TNPO3: variants seen among roughly 807,000 people sequenced by gnomAD.
TNPO3 encodes the protein transportin-3.
In TNPO3, 65 loss-of-function variants were observed where a neutral mutation model predicts 122.8. The observed-to-expected ratio is 0.53, with a 90% confidence interval of 0.43 to 0.65. TNPO3 has a LOEUF of 0.65. TNPO3 is among the 30% of genes least tolerant of loss of function. TNPO3 has a pLI of 0.00. For missense variants in TNPO3, 850 were observed against 1,136.7 expected, an observed-to-expected ratio of 0.75 and a Z score of 3.63; for synonymous variants, 372 against 411.2, an observed-to-expected ratio of 0.90 and a Z score of 1.15.
chr7:129,006,960 AG>A (rs780842288), intron 4 of TNPO3, among the ~76,000 whole-genome samples: 4 of 152,200 alleles, frequency 2.6e-5, no homozygotes, highest in Non-Finnish European at 4.4e-5. Flanking sequence ...GACAGAAGAA[AG>A]GAAGTCCAAG....
At chr7:128,960,279 T>C (rs1797313661) in intron 21 of TNPO3, among the ~76,000 whole-genome samples, 3 of 152,160 alleles carry the variant, frequency 2.0e-5, no homozygotes, top group South Asian at 2.1e-4. Flanking sequence ...TACTGGGTTA[T>C]GTATTTACTA....
At chr7:129,038,736 A>C (rs1322731736) in intron 1 of TNPO3, among the ~76,000 whole-genome samples, 4 of 152,214 alleles carry the variant, frequency 2.6e-5, no homozygotes, top group African/African-American at 9.6e-5. Context: ...CAGGATCAGA[A>C]AACCAAATAC....
chr7:128,956,458 G>A (rs1246269533), intron 22 of TNPO3, among the ~76,000 whole-genome samples: 1 of 152,166 alleles, frequency 6.6e-6, no homozygotes, highest in Non-Finnish European at 1.5e-5. Context: ...AAAGCACGTG[G>A]AGAAAAGTGC....
At chr7:129,006,817 A>G (rs114898166) in intron 4 of TNPO3, among the ~76,000 whole-genome samples, 1 of 152,208 alleles carries the variant, frequency 6.6e-6, no homozygotes, top group Non-Finnish European at 1.5e-5. Flanking sequence ...TGCTAAGATG[A>G]AGAGAAGTGA....
intron 8 of TNPO3, among the ~76,000 whole-genome samples, chr7:128,996,844 T>G (rs1801388295): frequency 6.6e-6 from 1 of 152,076 alleles, no homozygotes; most frequent in Admixed American, 6.6e-5. Context: ...TGCATCAAGT[T>G]GCTAAATCAT....
At chr7:128,975,293 G>T (rs1476083432) in intron 17 of TNPO3, among the ~76,000 whole-genome samples, 4 of 152,170 alleles carry the variant, frequency 2.6e-5, no homozygotes, top group African/African-American at 9.7e-5. Context: ...TAAGGGAGTG[G>T]AAGTTTTTAT....
At chr7:128,995,622 A>C (rs1290523745) in intron 8 of TNPO3, among the ~76,000 whole-genome samples, 1 of 152,262 alleles carries the variant, frequency 6.6e-6, no homozygotes, top group Admixed American at 6.5e-5. Context: ...GATCAAGCAC[A>C]GAGCCATTTA....
chr7:129,005,564 C>T (rs533037154), intron 4 of TNPO3, among the ~76,000 whole-genome samples: 6 of 152,136 alleles, frequency 3.9e-5, no homozygotes, highest in South Asian at 2.1e-4. Flanking sequence ...AGAGTTCTCA[C>T]GAGATCTGGT....
chr7:129,017,138 A>T, intron 2 of TNPO3, 82 bp from the exon 3 acceptor site: 1 of 1,317,680 alleles, frequency 7.6e-7, no homozygotes, highest in Non-Finnish European at 1.1e-6. Flanking sequence ...GCAAAGAAAC[A>T]TTTCTTCCAA....
chr7:128,971,600 T>G (rs1350067616), intron 19 of TNPO3, among the ~76,000 whole-genome samples: 2 of 152,238 alleles, frequency 1.3e-5, no homozygotes, highest in Non-Finnish European at 2.9e-5. Flanking sequence ...ACTTCTTCAC[T>G]GCTCTCCCCT....
intron 5 of TNPO3, among the ~76,000 whole-genome samples, chr7:129,004,127 C>T (rs1802313661): frequency 6.6e-6 from 1 of 152,184 alleles, no homozygotes; most frequent in Admixed American, 6.5e-5. Context: ...AAAAATGACA[C>T]AGAAATACAC....
At chr7:129,034,889 T>A (rs1409397581) in intron 1 of TNPO3, among the ~76,000 whole-genome samples, 31 of 114,914 alleles carry the variant, frequency 2.7e-4, no homozygotes, top group African/African-American at 9.5e-4. Context: ...AGCGAGACTC[T>A]GTCTCAAAAA....
At position 129,051,345 on chromosome 7, in the gene TNPO3, G is replaced by A. The variant is rs576342472; in HGVS notation, c.120+3306C>T. Among the ~76,000 whole-genome samples the A allele has an allele frequency of 1.6e-3, 226 of 140,142 alleles. 1 individual carries two copies. Among genetic ancestry groups the A allele is most frequent in the Middle Eastern group, 3.6e-3 (1 of 276 alleles). 91.9% of individuals were successfully genotyped at this position (140,142 alleles called of 152,430 possible). On this transcript the variant is annotated intron_variant, in intron 1 of 22. Transcript: ENST00000265388. Reference sequence around the variant, plus strand: ...GCAGAATGTCTGAATCAGTGATTTGGAGGTGTGGTGACTTTTTTTTTTTTT... The same window carrying A: ...GCAGAATGTCTGAATCAGTGATTTGAAGGTGTGGTGACTTTTTTTTTTTTT...
At chr7:129,023,948 A>G (rs970426867) in intron 1 of TNPO3, among the ~76,000 whole-genome samples, 3 of 152,236 alleles carry the variant, frequency 2.0e-5, no homozygotes, top group African/African-American at 4.8e-5. Flanking sequence ...GCACTGAACA[A>G]TAACAGCTAG....
At chr7:129,041,243 T>C (rs7783384) in intron 1 of TNPO3, among the ~76,000 whole-genome samples, 88,733 of 152,014 alleles carry the variant, frequency 0.58, 26,230 homozygotes, top group Non-Finnish European at 0.62. Flanking sequence ...GTACTTGTAG[T>C]CCTAGCTACT....
chr7:129,037,591 A>G (rs1806841443), intron 1 of TNPO3, among the ~76,000 whole-genome samples: 1 of 152,180 alleles, frequency 6.6e-6, no homozygotes, highest in African/African-American at 2.4e-5. Context: ...GACTGGGGGT[A>G]GGGCAGAAGA....
rs957943001 is a variant in TNPO3, at chr7:128,990,291, T to C, written c.1359-191A>G. The C allele has an allele frequency of 1.0e-5, 7 of 693,176 alleles. No individual in the cohort carries two copies. The African/African-American group carries it at 1.1e-4, about 11-fold the overall frequency. The allele number at this position is 693,176 out of a possible 1,614,324, so 42.9% of individuals were successfully genotyped here. A position where few individuals can be genotyped will look rare whatever the true frequency, so the allele number is the denominator to read the frequency against. The stretch of plus-strand genomic sequence containing the variant: ...AAGAGGAAAAGATAGAAATGAAAGA[T>C]ATTGTTTCAGGAAAAGCATACTGCT... On this transcript the variant is annotated intron_variant, in intron 10 of 22. Transcript: ENST00000265388.
At chr7:128,959,479 A>C (rs1797227044) in intron 21 of TNPO3, among the ~76,000 whole-genome samples, 1 of 152,178 alleles carries the variant, frequency 6.6e-6, no homozygotes, top group Non-Finnish European at 1.5e-5. Flanking sequence ...TACAGGCGTG[A>C]GTCACTGTGC....
chr7:129,053,854 A>C (rs1401075038), intron 1 of TNPO3, among the ~76,000 whole-genome samples: 1 of 152,228 alleles, frequency 6.6e-6, no homozygotes, highest in African/African-American at 2.4e-5. Flanking sequence ...AAGGTGTGAA[A>C]ATTAGGGCAG....
Sources: allele counts gnomAD v4.1 joint callset (sites outside exome capture counted in the v4.1 genomes callset), GRCh38; gene constraint gnomAD v4.1.1; transcripts MANE v1.5; gene names NCBI Gene and HGNC (gene_info 2026-07-23, HGNC 2026-07-21).